SYNE1: variants seen among roughly 807,000 people sequenced by gnomAD.
The protein encoded by SYNE1 is spectrin repeat containing nuclear envelope protein 1.
Under a neutral mutation model 1,111.0 loss-of-function variants are expected in SYNE1, and 616 were observed. The ratio of observed to expected loss-of-function variants is 0.55; its 90% confidence interval spans 0.52 to 0.59. The LOEUF is 0.59. SYNE1 is among the 20% of genes least tolerant of loss of function. The pLI is 0.00. For synonymous variants in SYNE1, 3,855 were observed against 3,825.8 expected, an observed-to-expected ratio of 1.01 and a Z score of -0.28; for missense variants, 10,006 against 10,417.0, an observed-to-expected ratio of 0.96 and a Z score of 1.72.
At chr6:152,163,149 G>A (rs1330424826) in intron 131 of SYNE1, among the ~76,000 whole-genome samples, 1 of 152,176 alleles carries the variant, frequency 6.6e-6, no homozygotes, top group African/African-American at 2.4e-5. Flanking sequence ...AATACCTCTA[G>A]CGGGGGATTT....
In SYNE1 at chr6:152,477,242, T is replaced by A. The variant is rs2098840212; in HGVS notation, c.1351-4829A>T. Among the ~76,000 whole-genome samples the A allele has an allele frequency of 6.6e-5, 10 of 151,352 alleles. 1 individual carries two copies. The highest frequency in any genetic ancestry group is 5.3e-4 in the Admixed American group (8 of 15,182). The stretch of plus-strand genomic sequence containing the variant: ...GCAGAAAATCAAGCAAAAGATAAGA[T>A]AAATGATTAAAACTGGTAACAGTTG... On this transcript the variant is annotated intron_variant, in intron 14 of 145. Transcript: ENST00000367255.
intron 93 of SYNE1, among the ~76,000 whole-genome samples, chr6:152,299,825 C>T (rs1371688299): frequency 6.6e-6 from 1 of 151,922 alleles, no homozygotes; most frequent in African/African-American, 2.4e-5. Flanking sequence ...AATGCTTCTC[C>T]CTTAATAATA....
chr6:152,598,488 ATTC>A (rs1236960347), intron 3 of SYNE1, among the ~76,000 whole-genome samples: 1 of 152,192 alleles, frequency 6.6e-6, no homozygotes, highest in African/African-American at 2.4e-5. Flanking sequence ...TATTAAAACA[ATTC>A]TTCTTTAAGT....
At position 152,334,005 on chromosome 6, in the gene SYNE1, T is replaced by C; in HGVS notation, c.12794+3A>G. ...TGGTGACCCATGGGAGAATTTCTGTTACCTGGCCAAGTTATCCCATTCTGT... is the reference window on the plus strand; with the variant it reads ...TGGTGACCCATGGGAGAATTTCTGTCACCTGGCCAAGTTATCCCATTCTGT... On this transcript the variant is annotated splice_donor_region_variant and intron_variant, in intron 77 of 145. Coordinates refer to ENST00000367255, the MANE Select transcript of SYNE1 (RefSeq NM_182961.4). 6.2e-7 allele frequency: 1 copy of C among 1,614,146 alleles called. No individual in the cohort carries two copies. Among genetic ancestry groups the C allele is most frequent in the East Asian group, 2.2e-5 (1 of 44,874 alleles).
At chr6:152,180,500 A>C (rs2067690229) in intron 128 of SYNE1, among the ~76,000 whole-genome samples, 1 of 152,224 alleles carries the variant, frequency 6.6e-6, no homozygotes, top group African/African-American at 2.4e-5. Flanking sequence ...CATACACATT[A>C]GCTTATTAAA....
chr6:152,133,664 G>T, intron 142 of SYNE1, 176 bp from the exon 143 acceptor site: 1 of 650,634 alleles, frequency 1.5e-6, no homozygotes, highest in Non-Finnish European at 2.7e-6. Context: ...TCCTGCCTCT[G>T]CCAAAAATAT....
chr6:152,272,724 C>T (rs1325450951), intron 98 of SYNE1, among the ~76,000 whole-genome samples: 1 of 152,182 alleles, frequency 6.6e-6, no homozygotes, highest in African/African-American at 2.4e-5. Flanking sequence ...TACCATCTCC[C>T]AGCTTCAGTA....
chr6:152,477,440 T>G (rs893503542), intron 14 of SYNE1, among the ~76,000 whole-genome samples: 1 of 152,050 alleles, frequency 6.6e-6, no homozygotes, highest in Non-Finnish European at 1.5e-5. Context: ...TAAGAGGATG[T>G]TTCAGACTGA....
chr6:152,251,720 C>T (rs2089337986), intron 104 of SYNE1, among the ~76,000 whole-genome samples: 2 of 151,906 alleles, frequency 1.3e-5, no homozygotes, highest in South Asian at 4.2e-4. Context: ...GATCCCGCCA[C>T]TGCACTCCAG....
rs375829082 is a variant in SYNE1 at position 152,536,359 on chromosome 6, T to C, written c.129+3601A>G. ...TATATATATAACTATATATATAGTA[T>C]ACTAATATATATATAGTAATATATA... On this transcript the variant is annotated intron_variant, in intron 4 of 145. Coordinates refer to ENST00000367255, the MANE Select transcript of SYNE1 (RefSeq NM_182961.4). 3.2e-5 allele frequency among the ~76,000 whole-genome samples: 4 copies of C among 125,114 alleles called. No homozygotes were observed. In the East Asian group the frequency reaches 9.0e-4, roughly 28 times the overall value. 82.1% of individuals were successfully genotyped at this position (125,114 alleles called of 152,430 possible). A position where few individuals can be genotyped will look rare whatever the true frequency, so the allele number is the denominator to read the frequency against.
At chr6:152,391,988 T>C (rs1353807600) in intron 51 of SYNE1, among the ~76,000 whole-genome samples, 1 of 152,194 alleles carries the variant, frequency 6.6e-6, no homozygotes, top group African/African-American at 2.4e-5. Flanking sequence ...ACATGGAGAT[T>C]CCTCCTTTAT....
chr6:152,622,423 C>T (rs1260302750), intron 3 of SYNE1, among the ~76,000 whole-genome samples: 3 of 152,108 alleles, frequency 2.0e-5, no homozygotes, highest in African/African-American at 7.2e-5. Context: ...TCCTCCCAGC[C>T]TCCACCCTCC....
intron 3 of SYNE1, among the ~76,000 whole-genome samples, chr6:152,605,151 A>G (rs986347480): frequency 5.3e-5 from 8 of 150,892 alleles, no homozygotes; most frequent in Non-Finnish European, 1.0e-4. Flanking sequence ...AATTCTATTA[A>G]TGGTTAATGC....
intron 127 of SYNE1, among the ~76,000 whole-genome samples, chr6:152,193,372 C>T (rs2073103013): frequency 1.3e-5 from 2 of 152,202 alleles, no homozygotes; most frequent in African/African-American, 4.8e-5. Flanking sequence ...AAAAACTCTA[C>T]ACTTTAACTT....
chr6:152,377,293 G>A lies in SYNE1; in HGVS notation c.9010-381C>T, dbSNP rs1039857003. Among the ~76,000 whole-genome samples, 10 of 151,968 alleles carry A rather than the reference G, an allele frequency of 6.6e-5. No homozygotes were observed. In the South Asian group the frequency reaches 1.0e-3, roughly 16 times the overall value. On this transcript the variant is annotated intron_variant, in intron 56 of 145. Transcript: ENST00000367255. ...TGAAAACAAATTATTTTAAAGAAAA[G>A]CAACACTTATTTTGGATTAAATATA...
chr6:152,402,990 G>A (rs770489732), intron 46 of SYNE1, among the ~76,000 whole-genome samples: 3 of 152,098 alleles, frequency 2.0e-5, no homozygotes, highest in Non-Finnish European at 4.4e-5. Context: ...TCCTGTGCAT[G>A]TATATCATCC....
At chr6:152,499,389 G>T (rs1564470660) in intron 10 of SYNE1, among the ~76,000 whole-genome samples, 1 of 151,868 alleles carries the variant, frequency 6.6e-6, no homozygotes, top group Non-Finnish European at 1.5e-5. Context: ...TGGTGATGTC[G>T]ATTTTCAGTA....
At chr6:152,374,964 A>C (rs1303390210) in intron 58 of SYNE1, among the ~76,000 whole-genome samples, 1 of 149,916 alleles carries the variant, frequency 6.7e-6, no homozygotes, top group Non-Finnish European at 1.5e-5. Context: ...TTTTTGAGAC[A>C]GAGTCTTGCT....
intron 115 of SYNE1, among the ~76,000 whole-genome samples, chr6:152,229,169 G>GA (rs1302948126): frequency 1.3e-5 from 2 of 152,080 alleles, no homozygotes; most frequent in African/African-American, 4.8e-5. Context: ...ACCCGAAATA[G>GA]AAAAACAAGA....
Sources: gnomAD v4.1 joint callset for allele counts (sites outside exome capture counted in the v4.1 genomes callset) on GRCh38, gnomAD v4.1.1 for gene constraint, MANE v1.5 for transcripts, NCBI Gene and HGNC (gene_info 2026-07-23, HGNC 2026-07-21) for gene names.